Variants in CADM1 observed in about 807,000 individuals in gnomAD.
The protein encoded by CADM1 is cell adhesion molecule 1.
In CADM1, 15 loss-of-function variants were observed where a neutral mutation model predicts 53.1. The ratio of observed to expected loss-of-function variants is 0.28; its 90% CI spans 0.19 to 0.44. The LOEUF (loss-of-function observed/expected upper bound fraction) is 0.44. Ranked by LOEUF, CADM1 falls within the 20% of genes least tolerant of loss-of-function variation. The pLI is 1.00. For missense variants in CADM1, 434 were observed against 611.3 expected, an observed-to-expected ratio of 0.71 and a Z score of 3.06; for synonymous variants, 281 against 243.0, an observed-to-expected ratio of 1.16 and a Z score of -1.45.
intron 1 of CADM1, among the ~76,000 whole-genome samples, chr11:115,365,564 T>A (rs1348085369): frequency 3.9e-5 from 6 of 151,960 alleles, no homozygotes; most frequent in Admixed American, 2.0e-4. Context: ...AAAACAAAAA[T>A]ATATATATAC....
At chr11:115,332,365 G>A (rs1200852487) in intron 1 of CADM1, among the ~76,000 whole-genome samples, 1 of 152,180 alleles carries the variant, frequency 6.6e-6, no homozygotes, top group Non-Finnish European at 1.5e-5. Flanking sequence ...ATTAGGTGTG[G>A]CATGTGTGTG....
chr11:115,361,530 A>G (rs1046888491), intron 1 of CADM1, among the ~76,000 whole-genome samples: 3 of 152,192 alleles, frequency 2.0e-5, no homozygotes, highest in Admixed American at 6.5e-5. Context: ...ACAAGCCAGT[A>G]TTTATGACTG....
intron 1 of CADM1, among the ~76,000 whole-genome samples, chr11:115,501,821 AG>A (rs1949733006): frequency 6.6e-6 from 1 of 152,150 alleles, no homozygotes; most frequent in Non-Finnish European, 1.5e-5. Context: ...GAGGAGGAAA[AG>A]TCCCTTGGTG....
chr11:115,266,879 G>A (rs1943155274), intron 1 of CADM1, among the ~76,000 whole-genome samples: 1 of 152,204 alleles, frequency 6.6e-6, no homozygotes, highest in Non-Finnish European at 1.5e-5. Context: ...AAAATTCAAT[G>A]TCAATATTAA....
At chr11:115,314,092 C>T (rs1236619831) in intron 1 of CADM1, among the ~76,000 whole-genome samples, 1 of 152,110 alleles carries the variant, frequency 6.6e-6, no homozygotes, top group Non-Finnish European at 1.5e-5. Context: ...GACCATGCAT[C>T]TTCAAGGTCA....
intron 1 of CADM1, among the ~76,000 whole-genome samples, chr11:115,320,635 A>C (rs991809760): frequency 1.3e-5 from 2 of 152,014 alleles, no homozygotes; most frequent in African/African-American, 4.8e-5. Flanking sequence ...TAGTGTTTAG[A>C]CCTACAGTTT....
chr11:115,194,774 A>C (rs1177049077), intron 9 of CADM1, among the ~76,000 whole-genome samples: 1 of 152,078 alleles, frequency 6.6e-6, no homozygotes, highest in Non-Finnish European at 1.5e-5. Flanking sequence ...GACCATGGGC[A>C]TGCTGTCACC....
intron 11 of CADM1, 152 bp downstream of exon 11, chr11:115,178,492 T>G (rs1193344943): frequency 4.0e-6 from 3 of 749,356 alleles, no homozygotes; most frequent in Non-Finnish European, 6.6e-6. Context: ...TGTTTTTTTT[T>G]TTTTTTTTCT....
At chr11:115,325,074 T>A (rs990522019) in intron 1 of CADM1, among the ~76,000 whole-genome samples, 1 of 152,190 alleles carries the variant, frequency 6.6e-6, no homozygotes, top group African/African-American at 2.4e-5. Flanking sequence ...TAAGAGGATT[T>A]TCAAAGGCAA....
intron 1 of CADM1, among the ~76,000 whole-genome samples, chr11:115,501,945 A>G (rs1211510223): frequency 6.6e-6 from 1 of 152,158 alleles, no homozygotes. Flanking sequence ...TAAGAAAGTC[A>G]TCTCATCTCC....
intron 1 of CADM1, among the ~76,000 whole-genome samples, chr11:115,446,625 TTATAGTGTAAATCAG>T (rs1948456185): frequency 6.6e-6 from 1 of 152,132 alleles, no homozygotes; most frequent in African/African-American, 2.4e-5. Flanking sequence ...GTTCTAAAAG[TTATAGTGTAAATCAG>T]TATGAAAATG....
At chr11:115,335,804 A>G (rs1234632831) in intron 1 of CADM1, among the ~76,000 whole-genome samples, 1 of 152,166 alleles carries the variant, frequency 6.6e-6, no homozygotes, top group Non-Finnish European at 1.5e-5. Flanking sequence ...ATCACCACCA[A>G]TATCATAAGA....
intron 1 of CADM1, among the ~76,000 whole-genome samples, chr11:115,252,211 A>G (rs1177924339): frequency 6.6e-6 from 1 of 152,242 alleles, no homozygotes; most frequent in Admixed American, 6.5e-5. Context: ...ATATTTTAAA[A>G]TGGATAAATG....
intron 1 of CADM1, among the ~76,000 whole-genome samples, chr11:115,307,690 A>C (rs1414849143): frequency 2.0e-5 from 3 of 151,842 alleles, no homozygotes; most frequent in African/African-American, 7.2e-5. Flanking sequence ...GTGAGACTTT[A>C]AAACTTTGAA....
At chr11:115,361,733 AT>A (rs568652718) in intron 1 of CADM1, among the ~76,000 whole-genome samples, 180 of 147,006 alleles carry the variant, frequency 1.2e-3, no homozygotes, top group Middle Eastern at 7.0e-3. Context: ...TATTATTATT[AT>A]TTTTTTTTTT....
chr11:115,433,169 G>C (rs769972106), intron 1 of CADM1, among the ~76,000 whole-genome samples: 9 of 152,132 alleles, frequency 5.9e-5, no homozygotes, highest in Non-Finnish European at 1.3e-4. Flanking sequence ...GACTTCCTCT[G>C]CTGATTGCTG....
intron 5 of CADM1, among the ~76,000 whole-genome samples, chr11:115,218,311 T>G (rs1158564877): frequency 6.6e-6 from 1 of 152,224 alleles, no homozygotes; most frequent in Non-Finnish European, 1.5e-5. Context: ...TTTGCCTTCA[T>G]GCTGAGGTGA....
Position 115,178,499 on chromosome 11 carries a change from T to C in CADM1, c.1297+145A>G. On this transcript the variant is annotated intron_variant, in intron 11 of 11. Coordinates refer to ENST00000331581, the MANE Select transcript of CADM1 (RefSeq NM_001301043.2). ...TCTGGTTTTGTTTTTTTTTTTTTTT[T>C]TCTCTTCTCTCTCTTCCAGTTTCAG... 5 of 809,440 alleles carry C rather than the reference T, an allele frequency of 6.2e-6. No individual in the cohort carries two copies. The South Asian group carries it at 7.5e-5, about 12-fold the overall frequency. The allele number at this position is 809,440 out of a possible 1,614,324, so 50.1% of individuals were successfully genotyped here. A position where few individuals can be genotyped will look rare whatever the true frequency, so the allele number is the denominator to read the frequency against.
At chr11:115,379,226 T>C (rs1946516034) in intron 1 of CADM1, among the ~76,000 whole-genome samples, 1 of 152,208 alleles carries the variant, frequency 6.6e-6, no homozygotes, top group African/African-American at 2.4e-5. Context: ...CAGGTTAGGG[T>C]TGCTAAGATT....
Sources: allele counts gnomAD v4.1 joint callset (sites outside exome capture counted in the v4.1 genomes callset), GRCh38; gene constraint gnomAD v4.1.1; transcripts MANE v1.5; gene names NCBI Gene and HGNC (gene_info 2026-07-23, HGNC 2026-07-21).